The following TEAD3 variants were observed in gnomAD, a reference collection of about 807,000 sequenced individuals.
The protein encoded by TEAD3 is TEA domain transcription factor 3.
TEAD3 carries 15 observed loss-of-function variants against 55.6 expected under a neutral mutation model. The ratio of observed to expected loss-of-function variants is 0.27; its 90% confidence interval spans 0.18 to 0.42. TEAD3 has a LOEUF of 0.42. TEAD3 is among the 10% of genes least tolerant of loss of function. The pLI, the probability that TEAD3 is intolerant of heterozygous loss-of-function variation, is 1.00. For synonymous variants in TEAD3, 210 were observed against 232.2 expected (o/e 0.90, Z 0.87); for missense variants, 407 against 576.8 (o/e 0.71, Z 3.01).
In TEAD3 at chr6:35,475,068, A is replaced by G. The variant is rs1384937781; in HGVS notation, c.1284T>C (p.His428=). Reference sequence around the variant, plus strand: ...CCTAGTCTTTGACGAGCTTGTAGACATGGTGCTGGGCCCCGTGCTCACTGG... The same window carrying G: ...CCTAGTCTTTGACGAGCTTGTAGACGTGGTGCTGGGCCCCGTGCTCACTGG... The change falls in exon 13 of 13, where the codon CAT becomes CAC. Residue 428 remains histidine (H), a synonymous_variant. Transcript: ENST00000639578. This position sits in a 1 kb window ranked among gnomAD's most constrained non-coding sequence, Gnocchi z 5.4. 16 of 1,593,392 alleles carry G rather than the reference A, an allele frequency of 1.0e-5. No individual in the cohort carries two copies. Among genetic ancestry groups the G allele is most frequent in the East Asian group, 2.3e-5 (1 of 44,156 alleles).
exon 10 of TEAD3, chr6:35,476,036 T>C (rs763596007): frequency 6.4e-7 from 1 of 1,552,728 alleles, no homozygotes; most frequent in Non-Finnish European, 8.7e-7. Context: ...CCTCCAGGGG[T>C]GGGTCTGAGA....
At position 35,486,445 on chromosome 6, in the gene TEAD3, G is replaced by GC. The variant is rs756360118; in HGVS notation, c.202+15dup. ...GGGGAAGGGCCGCAGTCCCGCCCGCGCCCCCCGGCACGCACCGTACATCTT... is the reference window on the plus strand; with the variant it reads ...GGGGAAGGGCCGCAGTCCCGCCCGCGCCCCCCCGGCACGCACCGTACATCTT... On this transcript the variant is annotated intron_variant, in intron 2 of 12. Coordinates refer to ENST00000639578, the Ensembl canonical transcript of TEAD3. This position sits in a 1 kb window ranked among gnomAD's most constrained non-coding sequence, Gnocchi z 7.3. The GC allele has an allele frequency of 1.2e-5, 19 of 1,602,646 alleles. 1 individual carries two copies. The highest frequency in any genetic ancestry group is 4.4e-5 in the South Asian group (4 of 90,534).
At chr6:35,480,445 G>A (rs1458238805) in intron 3 of TEAD3, 71 bp from the exon 4 acceptor site, 11 of 1,548,376 alleles carry the variant, frequency 7.1e-6, no homozygotes, top group African/African-American at 6.8e-5. Context: ...TGGGGTGGCC[G>A]CGGGCAAGGA....
chr6:35,480,432 C>G (rs1768244440), intron 3 of TEAD3, 58 bp from the exon 4 acceptor site: 1 of 1,598,368 alleles, frequency 6.3e-7, no homozygotes, highest in South Asian at 1.1e-5. Flanking sequence ...GGAGGCACAG[C>G]CATGGGGTGG....
At chr6:35,494,042 G>A (rs935127575) in intron 1 of TEAD3, among the ~76,000 whole-genome samples, 76 of 152,250 alleles carry the variant, frequency 5.0e-4, no homozygotes, top group African/African-American at 1.8e-3. Flanking sequence ...TCACACACAC[G>A]AATGTCACAA....
chr6:35,475,056 G>A lies in TEAD3; in HGVS notation c.1296C>T (p.Leu432=), dbSNP rs1581720400. ...CGCAGAGGGCACCCTAGTCTTTGAC[G>A]AGCTTGTAGACATGGTGCTGGGCCC... The change falls in exon 13 of 13, where the codon CTC becomes CTT. Residue 432 remains leucine, a synonymous_variant. Transcript: ENST00000639578. The surrounding 1 kb of genome is among the most constrained non-coding windows in gnomAD (Gnocchi z 5.4). 1.3e-6 allele frequency: 2 copies of A among 1,585,098 alleles called. No individual in the cohort carries two copies. Among genetic ancestry groups the A allele is most frequent in the Admixed American group, 1.8e-5 (1 of 55,534 alleles).
In TEAD3 at chr6:35,477,391, C is replaced by A; in HGVS notation, c.531-19G>T. 6.3e-7 allele frequency: 1 copy of A among 1,597,202 alleles called. No homozygotes were observed. The highest frequency in any genetic ancestry group is 8.5e-7 in the Non-Finnish European group (1 of 1,178,676). On this transcript the variant is annotated intron_variant, in intron 7 of 12. Coordinates refer to ENST00000639578, the Ensembl canonical transcript of TEAD3. ...CTTGATGCTGCAGACAGGAGCACAG[C>A]CTGGTGAGAGGGTTCCCTCTTCCCT...
chr6:35,476,056 T>G (rs200169620), exon 10 of TEAD3: 1 of 1,541,478 alleles, frequency 6.5e-7, no homozygotes, highest in Non-Finnish European at 8.8e-7. Flanking sequence ...AAGGCGGGGT[T>G]CGTCTGGCCG....
At chr6:35,489,903 AAAAG>A (rs1768472243) in intron 1 of TEAD3, among the ~76,000 whole-genome samples, 1 of 152,218 alleles carries the variant, frequency 6.6e-6, no homozygotes, top group African/African-American at 2.4e-5. Flanking sequence ...TAAAAAAACA[AAAAG>A]AAAAAATTAA....
intron 1 of TEAD3, among the ~76,000 whole-genome samples, chr6:35,492,349 C>T (rs1768541476): frequency 6.6e-6 from 1 of 152,052 alleles, no homozygotes; most frequent in Non-Finnish European, 1.5e-5. Context: ...ACCCGCCCCA[C>T]AGCGGGCCAG....
At chr6:35,481,612 T>C (rs75324044) in intron 3 of TEAD3, among the ~76,000 whole-genome samples, 2,174 of 152,344 alleles carry the variant, frequency 0.014, 59 homozygotes, top group African/African-American at 0.046. Flanking sequence ...TTATACATAC[T>C]GACCCCTTGA....
At chr6:35,495,222 C>T (rs1768615694) in intron 1 of TEAD3, among the ~76,000 whole-genome samples, 1 of 152,208 alleles carries the variant, frequency 6.6e-6, no homozygotes, top group East Asian at 1.9e-4. Flanking sequence ...AATATCAAAT[C>T]CTCCCGGTTT....
chr6:35,476,465 A>G, intron 8 of TEAD3, 30 bp from the exon 9 acceptor site: 8 of 1,611,080 alleles, frequency 5.0e-6, no homozygotes, highest in Non-Finnish European at 6.8e-6. Flanking sequence ...TTTCATCTGC[A>G]TGGATGCATG....
At chr6:35,492,870 C>G (rs1351084669) in intron 1 of TEAD3, among the ~76,000 whole-genome samples, 3 of 152,152 alleles carry the variant, frequency 2.0e-5, no homozygotes, top group Non-Finnish European at 2.9e-5. Flanking sequence ...CCTTCACCCC[C>G]TCCCTGGGAC....
intron 1 of TEAD3, among the ~76,000 whole-genome samples, chr6:35,490,545 C>G (rs999028847): frequency 2.6e-5 from 4 of 152,152 alleles, no homozygotes; most frequent in African/African-American, 9.7e-5. Flanking sequence ...TGCGAGTGCT[C>G]GGGAGGACAA....
rs992013336 is a variant in TEAD3, at chr6:35,475,671, T to C, written c.936A>G (p.Gly312=). ...ACTGAGAGCTGACCCCATAGAAGGC[T>C]CCCGGGCCCTCCTGGATGGTGCTGT... The change falls in exon 11 of 13, where the codon GGA becomes GGG. Residue 312 remains glycine, a synonymous_variant. Transcript: ENST00000639578. This position sits in a 1 kb window ranked among gnomAD's most constrained non-coding sequence, Gnocchi z 5.4. 6.2e-7 allele frequency: 1 copy of C among 1,611,802 alleles called. No homozygotes were observed. Among genetic ancestry groups the C allele is most frequent in the South Asian group, 1.1e-5 (1 of 90,914 alleles).
rs1420431441 is a variant in TEAD3 at position 35,488,291 on chromosome 6, C to T, written c.-49-1580G>A. 6.6e-6 allele frequency among the ~76,000 whole-genome samples: 1 copy of T among 152,116 alleles called. No homozygotes were observed. Among genetic ancestry groups the T allele is most frequent in the Non-Finnish European group, 1.5e-5 (1 of 68,030 alleles). On this transcript the variant is annotated intron_variant, in intron 1 of 12. Transcript: ENST00000639578. The surrounding 1 kb of genome is among the most constrained non-coding windows in gnomAD (Gnocchi z 4.2). The stretch of plus-strand genomic sequence containing the variant: ...CCCGCCCCCGCCCTGGCCCATCCTA[C>T]ATGTGGGCCAGGGCTCTGTAAACTG...
At chr6:35,482,201 G>A (rs1360256527) in intron 3 of TEAD3, among the ~76,000 whole-genome samples, 1 of 152,086 alleles carries the variant, frequency 6.6e-6, no homozygotes, top group African/African-American at 2.4e-5. Context: ...GACCAGGCTG[G>A]TCTCAAACTC....
Position 35,477,430 on chromosome 6 carries a change from C to T in TEAD3, c.531-58G>A. The T allele has an allele frequency of 2.0e-6, 3 of 1,518,926 alleles. No individual in the cohort carries two copies. In the South Asian group the frequency reaches 3.5e-5, roughly 18 times the overall value. The allele number at this position is 1,518,926 out of a possible 1,614,324, so 94.1% of individuals were successfully genotyped here. A position where few individuals can be genotyped will look rare whatever the true frequency, so the allele number is the denominator to read the frequency against. On this transcript the variant is annotated intron_variant, in intron 7 of 12. Transcript: ENST00000639578. Reference sequence around the variant, plus strand: ...TCCCTCTTCCCTACCTTCCACCTGGCCCAGCCCCTCTTCCAAGACCCCAGG... The same window carrying T: ...TCCCTCTTCCCTACCTTCCACCTGGTCCAGCCCCTCTTCCAAGACCCCAGG...
Sources: gnomAD v4.1 joint callset for allele counts (sites outside exome capture counted in the v4.1 genomes callset) on GRCh38, gnomAD v4.1.1 for gene constraint, Gnocchi (gnomAD v3.1) non-coding constraint, MANE v1.5 for transcripts, NCBI Gene and HGNC (gene_info 2026-07-23, HGNC 2026-07-21) for gene names.